Variants in BLNK observed in about 807,000 individuals in gnomAD.
BLNK encodes B-cell linker protein.
BLNK carries 29 observed loss-of-function variants against 73.5 expected under a neutral mutation model. The observed-to-expected ratio is 0.39, with a 90% CI of 0.29 to 0.54. The LOEUF is 0.54. Among genes scored for constraint, BLNK ranks in the 20% least tolerant of loss-of-function variants. The probability of loss-of-function intolerance (pLI) is 0.61; values close to 1 mark genes in which losing one functional copy is unlikely to be tolerated. For missense variants in BLNK, 460 were observed against 562.8 expected (o/e 0.82, Z 1.85); for synonymous variants, 176 against 200.8 (o/e 0.88, Z 1.04).
intron 6 of BLNK, among the ~76,000 whole-genome samples, chr10:96,220,958 A>G (rs1554901025): frequency 6.6e-6 from 1 of 152,198 alleles, no homozygotes; most frequent in Non-Finnish European, 1.5e-5. Flanking sequence ...ATACCCTATT[A>G]CTTAGCCGGA....
chr10:96,203,827 T>A (rs2083721514), intron 13 of BLNK: 5 of 404,332 alleles, frequency 1.2e-5, no homozygotes, highest in African/African-American at 2.0e-5. Context: ...AGTAAAATAT[T>A]AAATCGCTAC....
rs896591298 is a variant in BLNK, at chr10:96,190,820, C to T, written c.*1153G>A. Among the ~76,000 whole-genome samples, 19 of 152,312 alleles carry T rather than the reference C, an allele frequency of 1.2e-4. No individual in the cohort carries two copies. The highest frequency in any genetic ancestry group is 3.9e-4 in the East Asian group (2 of 5,186). ...CTAAGACCTTGGACCTGATTCTCCA[C>T]GATGGTATCTCTTTTATTCCTTGGT... On this transcript the variant is annotated 3_prime_UTR_variant, in exon 17 of 17. Coordinates refer to ENST00000224337, the MANE Select transcript of BLNK (RefSeq NM_013314.4).
chr10:96,267,628 G>A (rs1844069284), intron 1 of BLNK, among the ~76,000 whole-genome samples: 1 of 152,118 alleles, frequency 6.6e-6, no homozygotes, highest in Non-Finnish European at 1.5e-5. Context: ...CCCACAGCAG[G>A]GTTCTGTCAT....
intron 2 of BLNK, among the ~76,000 whole-genome samples, chr10:96,244,439 G>A (rs1842973527): frequency 6.6e-6 from 1 of 152,172 alleles, no homozygotes; most frequent in African/African-American, 2.4e-5. Flanking sequence ...CTCAACACTA[G>A]GAATAAAAGG....
At position 96,189,965 on chromosome 10, in the gene BLNK, G is replaced by C. The variant is rs1351885198; in HGVS notation, c.*2008C>G. On this transcript the variant is annotated 3_prime_UTR_variant, in exon 17 of 17. Coordinates refer to ENST00000224337, the MANE Select transcript of BLNK (RefSeq NM_013314.4). Reference sequence around the variant, plus strand: ...TATTTCAAAGACCCCAAGGGAAACTGTTGGCTGTACAGACATTTTCAAAGG... The same window carrying C: ...TATTTCAAAGACCCCAAGGGAAACTCTTGGCTGTACAGACATTTTCAAAGG... 4.9e-5 allele frequency: 43 copies of C among 885,726 alleles called. 1 individual carries two copies. The Middle Eastern group carries it at 1.3e-3, about 27-fold the overall frequency. The allele number at this position is 885,726 out of a possible 1,614,324, so 54.9% of individuals were successfully genotyped here. A position where few individuals can be genotyped will look rare whatever the true frequency, so the allele number is the denominator to read the frequency against.
Position 96,207,740 on chromosome 10 carries a change from G to A in BLNK, c.774+132C>T, listed in dbSNP as rs587631317. The A allele has an allele frequency of 8.8e-5, 96 of 1,095,680 alleles. 1 individual carries two copies. In the Admixed American group the frequency reaches 9.2e-4, roughly 10 times the overall value. The allele number at this position is 1,095,680 out of a possible 1,614,324, so 67.9% of individuals were successfully genotyped here. A position where few individuals can be genotyped will look rare whatever the true frequency, so the allele number is the denominator to read the frequency against. On this transcript the variant is annotated intron_variant, in intron 10 of 16. Coordinates refer to ENST00000224337, the MANE Select transcript of BLNK (RefSeq NM_013314.4). ...GAGGATTTGAAGCTTCTCTTGGACT[G>A]CTTGGGCAGCAACTTCAGTTGCTAA...
intron 13 of BLNK, among the ~76,000 whole-genome samples, chr10:96,201,965 T>G (rs2133954205): frequency 6.6e-6 from 1 of 152,202 alleles, no homozygotes; most frequent in Non-Finnish European, 1.5e-5. Context: ...GAAGAATATG[T>G]GGGTGAGATC....
intron 1 of BLNK, among the ~76,000 whole-genome samples, chr10:96,264,112 G>A (rs1029006432): frequency 2.0e-5 from 3 of 152,138 alleles, no homozygotes; most frequent in East Asian, 1.9e-4. Flanking sequence ...CAGCATAAAC[G>A]TGGAATGAAA....
intron 6 of BLNK, among the ~76,000 whole-genome samples, chr10:96,221,298 T>C (rs1335471225): frequency 6.6e-6 from 1 of 152,256 alleles, no homozygotes; most frequent in Non-Finnish European, 1.5e-5. Flanking sequence ...TCCTCCTAAA[T>C]GTCTTTGCCC....
intron 15 of BLNK, chr10:96,199,540 GAGAT>G: frequency 2.2e-6 from 1 of 459,724 alleles, no homozygotes. Flanking sequence ...GGTCCTTGAG[GAGAT>G]GAAAGGACAA....
intron 5 of BLNK, among the ~76,000 whole-genome samples, chr10:96,225,892 A>G (rs1481273949): frequency 1.3e-5 from 2 of 152,058 alleles, no homozygotes; most frequent in African/African-American, 4.8e-5. Flanking sequence ...TGATCCATCC[A>G]CTGTGGCCTC....
chr10:96,269,706 A>G (rs572132705), intron 1 of BLNK, among the ~76,000 whole-genome samples: 15 of 152,158 alleles, frequency 9.9e-5, no homozygotes, highest in African/African-American at 3.6e-4. Flanking sequence ...CCAACTCCCT[A>G]TGGTCAGGGC....
chr10:96,221,834 A>G (rs2084203141), intron 6 of BLNK, among the ~76,000 whole-genome samples: 1 of 152,116 alleles, frequency 6.6e-6, no homozygotes, highest in Non-Finnish European at 1.5e-5. Flanking sequence ...CGCCTCTCAG[A>G]TGGGTAGGTA....
At chr10:96,192,376 TTTTA>T (rs2083350298) in intron 16 of BLNK, among the ~76,000 whole-genome samples, 3 of 152,182 alleles carry the variant, frequency 2.0e-5, no homozygotes, top group Admixed American at 6.5e-5. Context: ...GTATATTGCT[TTTTA>T]TTTACCGTTA....
chr10:96,221,157 G>A (rs2084188887), intron 6 of BLNK, among the ~76,000 whole-genome samples: 1 of 152,152 alleles, frequency 6.6e-6, no homozygotes, highest in African/African-American at 2.4e-5. Flanking sequence ...CTGTAAAGTG[G>A]GGCTGATGAT....
rs115104160 is a variant in BLNK at position 96,270,234 on chromosome 10, T to C, written c.47+1118A>G. Among the ~76,000 whole-genome samples the C allele has an allele frequency of 8.0e-3, 1,222 of 152,292 alleles. 24 individuals are homozygous for C. Among genetic ancestry groups the C allele is most frequent in the African/African-American group, 0.028 (1,145 of 41,546 alleles). ...TTCACATTACCTTTTACCAAGCACC[T>C]CCTAGGCATAAGACCTGTATTCTAC... On this transcript the variant is annotated intron_variant, in intron 1 of 16. Transcript: ENST00000224337.
At chr10:96,202,359 G>C (rs2133956089) in intron 13 of BLNK, among the ~76,000 whole-genome samples, 1 of 152,308 alleles carries the variant, frequency 6.6e-6, no homozygotes, top group South Asian at 2.1e-4. Flanking sequence ...GGAGATGACA[G>C]TGACTTGGAC....
intron 1 of BLNK, among the ~76,000 whole-genome samples, chr10:96,259,702 CT>C (rs1564852190): frequency 2.2e-5 from 1 of 44,754 alleles, no homozygotes; most frequent in Non-Finnish European, 4.3e-5. Flanking sequence ...TTGCTTGTTT[CT>C]TTTTTTTCCT....
intron 13 of BLNK, chr10:96,203,620 C>T (rs1386626535): frequency 6.5e-6 from 1 of 152,838 alleles, no homozygotes; most frequent in East Asian, 1.9e-4. Context: ...GCCGTATCTT[C>T]TTTTTAAGGT....
Sources: allele counts gnomAD v4.1 joint callset (sites outside exome capture counted in the v4.1 genomes callset), GRCh38; gene constraint gnomAD v4.1.1; transcripts MANE v1.5; gene names NCBI Gene and HGNC (gene_info 2026-07-23, HGNC 2026-07-21).